ROBO2: variants seen among roughly 807,000 people sequenced by gnomAD.
ROBO2 encodes the protein roundabout guidance receptor 2.
Under a neutral mutation model 160.8 loss-of-function variants are expected in ROBO2, and 53 were observed. The ratio of observed to expected loss-of-function variants is 0.33; its 90% CI spans 0.26 to 0.41. The LOEUF (loss-of-function observed/expected upper bound fraction) is 0.41, where lower values mean the gene tolerates loss of function less well. Among genes scored for constraint, ROBO2 ranks in the 10% least tolerant of loss-of-function variants. ROBO2 has a pLI of 1.00. For missense variants in ROBO2, 1,577 were observed against 1,722.4 expected (o/e 0.92, Z 1.49); for synonymous variants, 664 against 611.7 (o/e 1.09, Z -1.26).
intron 2 of ROBO2, among the ~76,000 whole-genome samples, chr3:76,539,998 T>C (rs1394579851): frequency 2.6e-5 from 4 of 152,332 alleles, no homozygotes; most frequent in East Asian, 1.9e-4. Flanking sequence ...TTAGCCAAGA[T>C]AGTTAACACA....
intron 2 of ROBO2, among the ~76,000 whole-genome samples, chr3:76,898,904 C>T (rs1025088290): frequency 1.5e-4 from 23 of 152,030 alleles, no homozygotes; most frequent in African/African-American, 5.1e-4. Context: ...ATTATATTTG[C>T]GTTATGTGCA....
intron 2 of ROBO2, among the ~76,000 whole-genome samples, chr3:77,452,720 A>G (rs998260725): frequency 2.2e-4 from 33 of 152,318 alleles, no homozygotes; most frequent in African/African-American, 7.5e-4. Context: ...TTAGCATTAA[A>G]TGGATTCATT....
chr3:77,567,345 T>C (rs12330523), intron 12 of ROBO2, among the ~76,000 whole-genome samples: 2,377 of 152,198 alleles, frequency 0.016, 72 homozygotes, highest in African/African-American at 0.053. Flanking sequence ...GTGTGCCAGC[T>C]TAAAAAGTTA....
chr3:77,305,164 A>G (rs1560492961), intron 2 of ROBO2, among the ~76,000 whole-genome samples: 1 of 152,082 alleles, frequency 6.6e-6, no homozygotes, highest in East Asian at 1.9e-4. Flanking sequence ...TTTTAGGGAG[A>G]TTTTCACTCT....
chr3:76,628,450 T>TA (rs1553844528), intron 2 of ROBO2, among the ~76,000 whole-genome samples: 1 of 150,506 alleles, frequency 6.6e-6, no homozygotes, highest in African/African-American at 2.4e-5. Context: ...TTTTTTTTTT[T>TA]AGAGATGGGG....
At chr3:76,645,352 C>T (rs370081189) in intron 2 of ROBO2, among the ~76,000 whole-genome samples, 164 of 152,208 alleles carry the variant, frequency 1.1e-3, no homozygotes, top group African/African-American at 3.7e-3. Context: ...TGTTTATCTC[C>T]GTAGGCTGTA....
At chr3:76,439,620 G>A (rs891677454) in intron 2 of ROBO2, among the ~76,000 whole-genome samples, 1 of 152,112 alleles carries the variant, frequency 6.6e-6, no homozygotes, top group Non-Finnish European at 1.5e-5. Context: ...CAAAACAACT[G>A]CATTGCTTGT....
Position 77,136,184 on chromosome 3 carries a change from G to A in ROBO2, c.388+37844G>A, listed in dbSNP as rs190422311. ...AGAATGACGAATTATAGAAAGATCT[G>A]GAATATTATTCTTAACTAAGGAGGC... On this transcript the variant is annotated intron_variant, in intron 2 of 25. Transcript: ENST00000461745. Among the ~76,000 whole-genome samples, 110 of 152,196 alleles carry A rather than the reference G, an allele frequency of 7.2e-4. 1 individual carries two copies. In the Middle Eastern group the frequency reaches 0.014, roughly 19 times the overall value.
At chr3:76,393,359 T>C (rs181955982) in intron 2 of ROBO2, among the ~76,000 whole-genome samples, 35 of 152,296 alleles carry the variant, frequency 2.3e-4, no homozygotes, top group Admixed American at 1.4e-3. Flanking sequence ...TTGAACACTT[T>C]TTAATTCATA....
At chr3:76,402,297 G>A (rs2077874693) in intron 2 of ROBO2, among the ~76,000 whole-genome samples, 1 of 151,498 alleles carries the variant, frequency 6.6e-6, no homozygotes, top group South Asian at 2.1e-4. Context: ...GTTGCCATAT[G>A]TTGATCCACA....
intron 2 of ROBO2, among the ~76,000 whole-genome samples, chr3:77,216,537 G>C (rs961025341): frequency 6.6e-6 from 1 of 152,214 alleles, no homozygotes; most frequent in Non-Finnish European, 1.5e-5. Context: ...GTGAGGCGAT[G>C]CCTCGCCCTG....
At chr3:76,114,326 G>A (rs2070369024) in intron 2 of ROBO2, among the ~76,000 whole-genome samples, 2 of 151,742 alleles carry the variant, frequency 1.3e-5, no homozygotes, top group South Asian at 2.1e-4. Context: ...TAATTTCTTG[G>A]GTATCACTAA....
At chr3:77,409,874 C>G (rs2076565356) in intron 2 of ROBO2, among the ~76,000 whole-genome samples, 1 of 152,110 alleles carries the variant, frequency 6.6e-6, no homozygotes, top group African/African-American at 2.4e-5. Flanking sequence ...CACACACACC[C>G]TAATTTTGAT....
intron 24 of ROBO2, among the ~76,000 whole-genome samples, chr3:77,638,575 T>C (rs867476618): frequency 2.0e-5 from 3 of 152,128 alleles, no homozygotes; most frequent in African/African-American, 7.2e-5. Flanking sequence ...GTGGGAAATG[T>C]CAGTCTGTAT....
At chr3:76,765,967 C>T (rs2061558147) in intron 2 of ROBO2, among the ~76,000 whole-genome samples, 1 of 151,690 alleles carries the variant, frequency 6.6e-6, no homozygotes, top group Admixed American at 6.6e-5. Context: ...TATTTGCATG[C>T]TTCTAGGAAA....
intron 2 of ROBO2, among the ~76,000 whole-genome samples, chr3:76,076,625 C>G (rs969197868): frequency 1.3e-4 from 20 of 152,144 alleles, no homozygotes; most frequent in African/African-American, 4.3e-4. Context: ...TTACACTTAA[C>G]AGCTGATGAC....
At chr3:76,957,660 G>A (rs1001992720) in intron 2 of ROBO2, among the ~76,000 whole-genome samples, 16 of 151,736 alleles carry the variant, frequency 1.1e-4, no homozygotes, top group South Asian at 2.1e-4. Context: ...ATGAAACCCC[G>A]TCTCTACTAA....
At chr3:76,655,854 T>C (rs1424802199) in intron 2 of ROBO2, among the ~76,000 whole-genome samples, 1 of 151,830 alleles carries the variant, frequency 6.6e-6, no homozygotes, top group East Asian at 2.0e-4. Context: ...ATCCAATATA[T>C]TTCAACACAA....
intron 1 of ROBO2, among the ~76,000 whole-genome samples, chr3:77,091,535 G>A (rs1035547251): frequency 6.6e-6 from 1 of 152,084 alleles, no homozygotes; most frequent in Non-Finnish European, 1.5e-5. Flanking sequence ...TCACAGATGC[G>A]TCTGCATCTG....
Sources: gnomAD v4.1 joint callset for allele counts (sites outside exome capture counted in the v4.1 genomes callset) on GRCh38, gnomAD v4.1.1 for gene constraint, MANE v1.5 for transcripts, NCBI Gene and HGNC (gene_info 2026-07-23, HGNC 2026-07-21) for gene names.